The following STOX2 variants were observed in gnomAD, a reference collection of about 807,000 sequenced individuals.
STOX2 encodes storkhead-box protein 2.
Under a neutral mutation model 60.9 loss-of-function variants are expected in STOX2, and 28 were observed. The observed-to-expected ratio is 0.46, with a 90% CI of 0.34 to 0.63. STOX2 has a LOEUF of 0.63. Among genes scored for constraint, STOX2 ranks in the 30% least tolerant of loss-of-function variants. STOX2 has a pLI of 0.01. For synonymous variants in STOX2, 472 were observed against 463.9 expected, an observed-to-expected ratio of 1.02 and a Z score of -0.22; for missense variants, 1,024 against 1,187.7, an observed-to-expected ratio of 0.86 and a Z score of 2.03.
intron 1 of STOX2, among the ~76,000 whole-genome samples, chr4:183,896,743 A>T (rs1282530252): frequency 2.6e-5 from 4 of 152,236 alleles, no homozygotes; most frequent in Admixed American, 1.3e-4. Context: ...CGAGTTTGGG[A>T]GTAACCTTGA....
intron 1 of STOX2, among the ~76,000 whole-genome samples, chr4:183,964,651 C>T (rs977372080): frequency 8.6e-5 from 13 of 151,992 alleles, no homozygotes; most frequent in African/African-American, 2.4e-5. Context: ...GGTGCAGTCT[C>T]GGCTCACTGC....
chr4:183,897,597 A>G (rs1171502897), intron 1 of STOX2, among the ~76,000 whole-genome samples: 1 of 152,234 alleles, frequency 6.6e-6, no homozygotes, highest in Non-Finnish European at 1.5e-5. Flanking sequence ...GATTTTGCTG[A>G]AAATATTTTA....
At chr4:183,963,485 G>A (rs1323480978) in intron 1 of STOX2, among the ~76,000 whole-genome samples, 2 of 150,488 alleles carry the variant, frequency 1.3e-5, no homozygotes, top group Non-Finnish European at 3.0e-5. Flanking sequence ...GGAGTGCAAT[G>A]GTGTGATCTC....
At chr4:183,802,494 C>A (rs1738787490) in intron 1 of STOX2, among the ~76,000 whole-genome samples, 1 of 152,118 alleles carries the variant, frequency 6.6e-6, no homozygotes, top group Non-Finnish European at 1.5e-5. Context: ...CCTGCCTCAG[C>A]CTCCCTAGTA....
chr4:183,954,540 G>A (rs1436725788), intron 1 of STOX2, among the ~76,000 whole-genome samples: 9 of 151,648 alleles, frequency 5.9e-5, no homozygotes, highest in East Asian at 5.8e-4. Context: ...CACCCTCCTC[G>A]GCCTCCCAAA....
At chr4:183,809,027 C>T (rs971492609) in intron 1 of STOX2, among the ~76,000 whole-genome samples, 4 of 152,160 alleles carry the variant, frequency 2.6e-5, no homozygotes, top group Admixed American at 1.3e-4. Context: ...GCATTGTAAA[C>T]AATAGGACAT....
At chr4:183,833,439 A>G (rs1739620199) in intron 1 of STOX2, among the ~76,000 whole-genome samples, 1 of 152,176 alleles carries the variant, frequency 6.6e-6, no homozygotes, top group Non-Finnish European at 1.5e-5. Context: ...TAAAAGATCA[A>G]ACATTCCTTA....
At chr4:183,937,806 A>G (rs751142890) in intron 1 of STOX2, among the ~76,000 whole-genome samples, 2 of 152,230 alleles carry the variant, frequency 1.3e-5, no homozygotes, top group African/African-American at 2.4e-5. Context: ...AATTGATTAA[A>G]GATGAATTTT....
intron 1 of STOX2, among the ~76,000 whole-genome samples, chr4:183,966,478 G>A (rs1415117574): frequency 6.6e-6 from 1 of 152,176 alleles, no homozygotes; most frequent in Non-Finnish European, 1.5e-5. Flanking sequence ...ACAGATGGAC[G>A]GGTCTCTTGA....
chr4:183,818,480 C>T (rs577761679), intron 1 of STOX2, among the ~76,000 whole-genome samples: 137 of 152,346 alleles, frequency 9.0e-4, no homozygotes, highest in Middle Eastern at 3.4e-3. Flanking sequence ...AAAATGGAGT[C>T]TCCTATGTCT....
At chr4:183,996,042 A>G (rs1340007231) in intron 1 of STOX2, among the ~76,000 whole-genome samples, 10 of 152,236 alleles carry the variant, frequency 6.6e-5, no homozygotes, top group Non-Finnish European at 1.3e-4. Flanking sequence ...TAAATGTTAA[A>G]TACTCTTAAA....
intron 1 of STOX2, among the ~76,000 whole-genome samples, chr4:183,920,234 G>T (rs565276539): frequency 6.6e-5 from 10 of 152,090 alleles, no homozygotes; most frequent in African/African-American, 2.4e-4. Flanking sequence ...TCCTGCCTCC[G>T]CCTCCTGAGT....
chr4:184,007,019 A>C (rs1234827648), intron 2 of STOX2, among the ~76,000 whole-genome samples: 3 of 110,432 alleles, frequency 2.7e-5, no homozygotes, highest in African/African-American at 1.2e-4. Context: ...CTGTCTCAAA[A>C]AAAAAAAAAA....
intron 1 of STOX2, among the ~76,000 whole-genome samples, chr4:183,963,219 G>GAGC (rs151111039): frequency 6.6e-6 from 1 of 152,082 alleles, no homozygotes; most frequent in African/African-American, 2.4e-5. Flanking sequence ...ATGGAAATAT[G>GAGC]AGGAGACAGT....
chr4:183,839,308 G>C (rs1739791289), intron 1 of STOX2, among the ~76,000 whole-genome samples: 1 of 152,208 alleles, frequency 6.6e-6, no homozygotes, highest in African/African-American at 2.4e-5. Context: ...CTAGGTGTCA[G>C]ATCAAATATG....
At chr4:183,859,245 C>T (rs1362007609) in intron 1 of STOX2, among the ~76,000 whole-genome samples, 1 of 152,214 alleles carries the variant, frequency 6.6e-6, no homozygotes, top group Admixed American at 6.5e-5. Flanking sequence ...GTGTCACATG[C>T]TGCCAGGTCT....
At chr4:183,997,532 T>C (rs775096628) in intron 1 of STOX2, among the ~76,000 whole-genome samples, 96 of 152,282 alleles carry the variant, frequency 6.3e-4, no homozygotes, top group Non-Finnish European at 1.1e-3. Context: ...AAGAGGACCT[T>C]GCCTGCTCTG....
At chr4:183,831,779 A>G (rs1451825764) in intron 1 of STOX2, among the ~76,000 whole-genome samples, 2 of 152,140 alleles carry the variant, frequency 1.3e-5, no homozygotes, top group Non-Finnish European at 1.5e-5. Context: ...ACATAGATAA[A>G]TAAATTTTGT....
chr4:183,923,884 C>T (rs1388723803), intron 1 of STOX2, among the ~76,000 whole-genome samples: 2 of 152,112 alleles, frequency 1.3e-5, no homozygotes, highest in Non-Finnish European at 2.9e-5. Flanking sequence ...TCTAGATATA[C>T]CCTCCGGAAG....
Sources: gnomAD v4.1 joint callset for allele counts (sites outside exome capture counted in the v4.1 genomes callset) on GRCh38, gnomAD v4.1.1 for gene constraint, MANE v1.5 for transcripts, NCBI Gene and HGNC (gene_info 2026-07-23, HGNC 2026-07-21) for gene names.